The following PCDHA11 variants were observed in gnomAD, a reference collection of about 807,000 sequenced individuals.
PCDHA11 encodes protocadherin alpha-11.
Under a neutral mutation model 70.3 loss-of-function variants are expected in PCDHA11, and 61 were observed. The ratio of observed to expected loss-of-function variants is 0.87; its 90% CI spans 0.71 to 1.07. The LOEUF (loss-of-function observed/expected upper bound fraction) is 1.07. Ranked by LOEUF, PCDHA11 falls within the 50% of genes least tolerant of loss-of-function variation. The pLI, the probability that PCDHA11 is intolerant of heterozygous loss-of-function variation, is 0.00. For missense variants in PCDHA11, 1,324 were observed against 1,237.5 expected, an observed-to-expected ratio of 1.07 and a Z score of -1.05; for synonymous variants, 633 against 555.1, an observed-to-expected ratio of 1.14 and a Z score of -1.97.
intron 1 of PCDHA11, among the ~76,000 whole-genome samples, chr5:140,938,642 CCTT>C (rs1554212266): frequency 6.6e-6 from 1 of 151,942 alleles, no homozygotes; most frequent in East Asian, 1.9e-4. Flanking sequence ...GATGTATAAT[CCTT>C]CTTTATATCA....
At chr5:140,884,440 G>A in intron 1 of PCDHA11, 1 of 1,613,830 alleles carries the variant, frequency 6.2e-7, no homozygotes, top group Non-Finnish European at 8.5e-7. Flanking sequence ...TGCGGTGCTC[G>A]GCACCGCCCA....
In PCDHA11 at chr5:140,982,550, C is replaced by T. The variant is rs1554244485; in HGVS notation, c.2526C>T (p.Ser842=). ...CTGATCAGCAGTGGCCAACAGTATC[C>T]AGTGCAACACCAGGTAAAGAGCTGG... The part of the protein sequence containing the change: ...GGPDQQWPTV[S]SATPEPEAGE... The change falls in exon 3 of 4, where the codon TCC becomes TCT. Residue 842 remains serine, a synonymous_variant. Transcript: ENST00000398640. The T allele has an allele frequency of 6.2e-7, 1 of 1,614,176 alleles. No homozygotes were observed. The highest frequency in any genetic ancestry group is 1.7e-5 in the Admixed American group (1 of 60,028).
intron 1 of PCDHA11, among the ~76,000 whole-genome samples, chr5:140,937,039 CTTTT>C (rs34994034): frequency 1.4e-5 from 2 of 140,156 alleles, no homozygotes; most frequent in African/African-American, 2.6e-5. Flanking sequence ...TTCCATTTAT[CTTTT>C]TTTTTTTTTT....
At chr5:140,878,400 A>C (rs1190004888) in intron 1 of PCDHA11, among the ~76,000 whole-genome samples, 2 of 152,218 alleles carry the variant, frequency 1.3e-5, no homozygotes, top group Non-Finnish European at 2.9e-5. Flanking sequence ...TGCTCACAAA[A>C]TATCTTCTTT....
chr5:141,011,085 T>C lies in PCDHA11; in HGVS notation c.*1148T>C, dbSNP rs2098419298. The C allele has an allele frequency of 6.5e-6, 1 of 153,776 alleles. No homozygotes were observed. Among genetic ancestry groups the C allele is most frequent in the Non-Finnish European group, 1.5e-5 (1 of 68,046 alleles). The allele number at this position is 153,776 out of a possible 1,614,324, so 9.5% of individuals were successfully genotyped here. A position where few individuals can be genotyped will look rare whatever the true frequency, so the allele number is the denominator to read the frequency against. ...ATGTATTACTAAATAAAATGATCTC[T>C]CTTTCTCTCTCTCTCTCTCTTTTCT... On this transcript the variant is annotated 3_prime_UTR_variant, in exon 4 of 4. Transcript: ENST00000398640.
intron 1 of PCDHA11, among the ~76,000 whole-genome samples, chr5:140,934,826 A>C (rs556197038): frequency 1.1e-4 from 17 of 152,294 alleles, no homozygotes; most frequent in South Asian, 1.0e-3. Context: ...TAACTTTGGC[A>C]AGTTGGGAAC....
intron 1 of PCDHA11, among the ~76,000 whole-genome samples, chr5:140,960,222 A>G (rs1364451029): frequency 2.6e-5 from 4 of 152,206 alleles, no homozygotes; most frequent in African/African-American, 9.6e-5. Flanking sequence ...ATCTCAAGAA[A>G]CAGAGCCATG....
chr5:140,941,492 T>G (rs1446870882), intron 1 of PCDHA11, among the ~76,000 whole-genome samples: 18 of 151,592 alleles, frequency 1.2e-4, no homozygotes, highest in Admixed American at 1.2e-3. Flanking sequence ...ATTTTTTGTA[T>G]TTTTAGTAGA....
At chr5:140,890,627 G>A (rs1562851697) in intron 1 of PCDHA11, among the ~76,000 whole-genome samples, 1 of 152,056 alleles carries the variant, frequency 6.6e-6, no homozygotes, top group Non-Finnish European at 1.5e-5. Flanking sequence ...AGAAAATTAA[G>A]CATGTATCCT....
chr5:140,870,564 G>C lies in PCDHA11; in HGVS notation c.1461G>C (p.Ala487=), dbSNP rs782511789. The C allele has an allele frequency of 5.1e-5, 83 of 1,613,882 alleles. No homozygotes were observed. Among genetic ancestry groups the C allele is most frequent in the Admixed American group, 3.3e-4 (20 of 60,006 alleles). Residue 487 remains alanine (A), a synonymous_variant, in exon 1 of 4, where the codon GCG becomes GCC. Coordinates refer to ENST00000398640, the MANE Select transcript of PCDHA11 (RefSeq NM_018902.5). ...GGGACGCGGACGCGCAGGAGAACGC[G>C]CTGGTGTCCTACTCGCTGGTGGAGC... ...SARDADAQEN[A]LVSYSLVERR... is the part of the protein sequence containing the mutation.
At chr5:140,906,253 A>ACCTC (rs1329710908) in intron 1 of PCDHA11, among the ~76,000 whole-genome samples, 2 of 152,064 alleles carry the variant, frequency 1.3e-5, no homozygotes, top group African/African-American at 4.8e-5. Flanking sequence ...ACCCATACAC[A>ACCTC]CCTCCTGAAA....
intron 1 of PCDHA11, chr5:140,884,065 C>G (rs377441374): frequency 1.1e-5 from 17 of 1,613,346 alleles, no homozygotes; most frequent in Admixed American, 6.7e-5. Flanking sequence ...CGGTGGACGC[C>G]GATTCGGGCT....
chr5:140,904,082 C>T (rs1189911248), intron 1 of PCDHA11, among the ~76,000 whole-genome samples: 3 of 152,108 alleles, frequency 2.0e-5, no homozygotes, highest in African/African-American at 7.2e-5. Context: ...TATTTGGTTA[C>T]ATGAATAACT....
At chr5:140,888,610 A>G (rs1180344966) in intron 1 of PCDHA11, among the ~76,000 whole-genome samples, 1 of 152,210 alleles carries the variant, frequency 6.6e-6, no homozygotes, top group African/African-American at 2.4e-5. Context: ...CTTTTAGTGT[A>G]GCACTAATTC....
Position 140,969,025 on chromosome 5 carries a change from T to G in PCDHA11, c.2392-9924T>G, listed in dbSNP as rs1554231368. On this transcript the variant is annotated intron_variant, in intron 1 of 3. Transcript: ENST00000398640. ...TCTGTGGAGTAAGGGAAAGGTCCCC[T>G]GCAGAACTGTACAAACAAGCCAACA... The G allele has an allele frequency of 1.9e-6, 3 of 1,614,178 alleles. No individual in the cohort carries two copies. The East Asian group carries it at 6.7e-5, about 36-fold the overall frequency.
intron 1 of PCDHA11, among the ~76,000 whole-genome samples, chr5:140,924,578 T>C (rs80037494): frequency 0.013 from 2,025 of 152,202 alleles, 55 homozygotes; most frequent in Admixed American, 0.052. Flanking sequence ...TTAAATGTTT[T>C]CAAATATTAT....
intron 1 of PCDHA11, among the ~76,000 whole-genome samples, chr5:140,899,260 T>A (rs2153463432): frequency 6.6e-6 from 1 of 152,272 alleles, no homozygotes; most frequent in South Asian, 2.1e-4. Context: ...GGCATCCCTG[T>A]CTTGTGGCAG....
At chr5:140,989,863 TTCTC>T (rs2097364159) in intron 3 of PCDHA11, among the ~76,000 whole-genome samples, 1 of 151,988 alleles carries the variant, frequency 6.6e-6, no homozygotes, top group Non-Finnish European at 1.5e-5. Flanking sequence ...AGAGGAATCT[TTCTC>T]TGCCTCAGCA....
intron 3 of PCDHA11, among the ~76,000 whole-genome samples, chr5:140,991,246 AT>A (rs1239917412): frequency 6.6e-6 from 1 of 152,206 alleles, no homozygotes; most frequent in African/African-American, 2.4e-5. Context: ...TAAAGGCAGT[AT>A]TTGAACTCAT....
Sources: allele counts gnomAD v4.1 joint callset (sites outside exome capture counted in the v4.1 genomes callset), GRCh38; gene constraint gnomAD v4.1.1; transcripts MANE v1.5; gene names NCBI Gene and HGNC (gene_info 2026-07-23, HGNC 2026-07-21).